The following SEMA6D variants were observed in gnomAD, a reference collection of about 807,000 sequenced individuals.
SEMA6D encodes semaphorin 6D.
SEMA6D carries 35 observed loss-of-function variants against 106.6 expected under a neutral mutation model. That is an observed-to-expected ratio of 0.33 (90% confidence interval 0.25 to 0.44). The LOEUF is 0.44. Among genes scored for constraint, SEMA6D ranks in the 20% least tolerant of loss-of-function variants. The pLI, the probability that SEMA6D is intolerant of heterozygous loss-of-function variation, is 1.00. For missense variants in SEMA6D, 1,185 were observed against 1,345.9 expected, an observed-to-expected ratio of 0.88 and a Z score of 1.87; for synonymous variants, 499 against 487.7, an observed-to-expected ratio of 1.02 and a Z score of -0.31.
chr15:47,394,502 A>G (rs1484032010), intron 1 of SEMA6D, among the ~76,000 whole-genome samples: 1 of 152,184 alleles, frequency 6.6e-6, no homozygotes, highest in East Asian at 1.9e-4. Context: ...CTTCATGTGC[A>G]AAGGAAGACT....
intron 3 of SEMA6D, among the ~76,000 whole-genome samples, chr15:47,572,684 C>T (rs2076083765): frequency 6.6e-6 from 1 of 152,186 alleles, no homozygotes; most frequent in South Asian, 2.1e-4. Flanking sequence ...ATATACAACA[C>T]TTTCTTCCAA....
chr15:47,202,277 G>A (rs924792155), intron 1 of SEMA6D, among the ~76,000 whole-genome samples: 3 of 151,912 alleles, frequency 2.0e-5, no homozygotes, highest in Non-Finnish European at 4.4e-5. Flanking sequence ...TGAGAAAGGC[G>A]GTCTCCCAAT....
At chr15:47,317,250 T>C (rs1417100275) in intron 1 of SEMA6D, among the ~76,000 whole-genome samples, 1 of 152,166 alleles carries the variant, frequency 6.6e-6, no homozygotes, top group Non-Finnish European at 1.5e-5. Flanking sequence ...ACTGGAGTTA[T>C]GGCCCCTCTT....
intron 4 of SEMA6D, among the ~76,000 whole-genome samples, chr15:47,659,133 A>T (rs982932391): frequency 2.6e-5 from 4 of 152,218 alleles, no homozygotes; most frequent in African/African-American, 7.2e-5. Context: ...GTCATGAAAA[A>T]ATTAACACAT....
At chr15:47,426,835 T>C (rs1309317241) in intron 2 of SEMA6D, among the ~76,000 whole-genome samples, 1 of 152,112 alleles carries the variant, frequency 6.6e-6, no homozygotes, top group African/African-American at 2.4e-5. Context: ...TTGTTACAAT[T>C]GTGGTAATGA....
At chr15:47,279,578 TGA>T (rs1377565193) in intron 1 of SEMA6D, among the ~76,000 whole-genome samples, 2 of 149,370 alleles carry the variant, frequency 1.3e-5, no homozygotes, top group Non-Finnish European at 3.0e-5. Context: ...ATAGGAGTGG[TGA>T]GAGAGGGCAT....
At chr15:47,325,935 G>A (rs1496906) in intron 1 of SEMA6D, among the ~76,000 whole-genome samples, 151,712 of 152,378 alleles carry the variant, frequency 1, 75,526 homozygotes, top group Middle Eastern at 1. Flanking sequence ...AAAACAAACA[G>A]AAGAAAACTC....
At chr15:47,646,074 C>T (rs1354557030) in intron 4 of SEMA6D, among the ~76,000 whole-genome samples, 2 of 152,074 alleles carry the variant, frequency 1.3e-5, no homozygotes, top group Non-Finnish European at 2.9e-5. Flanking sequence ...GGATTGATTA[C>T]ATCATTGGCC....
Position 47,500,966 on chromosome 15 carries a change from T to C in SEMA6D, c.-87+30421T>C, listed in dbSNP as rs530247389. 2.5e-4 allele frequency among the ~76,000 whole-genome samples: 38 copies of C among 152,290 alleles called. No homozygotes were observed. In the South Asian group the frequency reaches 7.7e-3, roughly 31 times the overall value. ...TTCTTCACCTGTGAAACAGGTATGC[T>C]ATTTTGTATAAATAATTCTGGTTAT... On this transcript the variant is annotated intron_variant, in intron 3 of 19. Transcript: ENST00000558014.
chr15:47,594,648 T>A (rs562173336), intron 3 of SEMA6D, among the ~76,000 whole-genome samples: 106 of 152,344 alleles, frequency 7.0e-4, no homozygotes, highest in Middle Eastern at 3.4e-3. Flanking sequence ...TGGCAGTACC[T>A]GCTTCCAATA....
chr15:47,354,199 CTATATA>C (rs58550689), intron 1 of SEMA6D, among the ~76,000 whole-genome samples: 3,343 of 70,254 alleles, frequency 0.048, 91 homozygotes, highest in African/African-American at 0.08. Context: ...CTCTCTCTCT[CTATATA>C]TATATATATA....
At chr15:47,591,022 C>G (rs185839568) in intron 3 of SEMA6D, among the ~76,000 whole-genome samples, 1 of 152,158 alleles carries the variant, frequency 6.6e-6, no homozygotes, top group Non-Finnish European at 1.5e-5. Context: ...AACAAAATCC[C>G]TTAGGCCAGG....
chr15:47,286,820 C>G (rs971754261), intron 1 of SEMA6D, among the ~76,000 whole-genome samples: 2 of 152,072 alleles, frequency 1.3e-5, no homozygotes, highest in Non-Finnish European at 2.9e-5. Flanking sequence ...CATCTAAACC[C>G]CCTCCCTTAT....
At chr15:47,514,564 T>C (rs1273628964) in intron 3 of SEMA6D, among the ~76,000 whole-genome samples, 1 of 152,218 alleles carries the variant, frequency 6.6e-6, no homozygotes, top group East Asian at 1.9e-4. Context: ...TTGATTCTTC[T>C]CCTTCTATGA....
At chr15:47,408,818 C>G (rs755694040) in intron 1 of SEMA6D, among the ~76,000 whole-genome samples, 3 of 152,170 alleles carry the variant, frequency 2.0e-5, no homozygotes, top group Admixed American at 6.5e-5. Context: ...GAGGGCAGCT[C>G]GAAGGAAGCA....
intron 4 of SEMA6D, among the ~76,000 whole-genome samples, chr15:47,665,453 G>A (rs2078007904): frequency 6.6e-6 from 1 of 152,078 alleles, no homozygotes; most frequent in Non-Finnish European, 1.5e-5. Flanking sequence ...CAAATAATAA[G>A]GTCATGGTTA....
At chr15:47,728,534 C>T (rs1307809124) in intron 1 of SEMA6D, among the ~76,000 whole-genome samples, 1 of 152,194 alleles carries the variant, frequency 6.6e-6, no homozygotes, top group East Asian at 1.9e-4. Flanking sequence ...AGTTTTACCT[C>T]TCATTTTATA....
At chr15:47,253,717 A>AT (rs926740882) in intron 1 of SEMA6D, among the ~76,000 whole-genome samples, 1 of 151,982 alleles carries the variant, frequency 6.6e-6, no homozygotes, top group South Asian at 2.1e-4. Flanking sequence ...TATGTGTCTG[A>AT]TTTTTTGTGC....
At chr15:47,351,360 T>G (rs2038319312) in intron 1 of SEMA6D, among the ~76,000 whole-genome samples, 1 of 152,202 alleles carries the variant, frequency 6.6e-6, no homozygotes, top group South Asian at 2.1e-4. Flanking sequence ...ATAAGCAGTT[T>G]AGTGCATCGT....
Sources: gnomAD v4.1 joint callset for allele counts (sites outside exome capture counted in the v4.1 genomes callset) on GRCh38, gnomAD v4.1.1 for gene constraint, MANE v1.5 for transcripts, NCBI Gene and HGNC (gene_info 2026-07-23, HGNC 2026-07-21) for gene names.